ZNF528: variants seen among roughly 807,000 people sequenced by gnomAD.
The protein encoded by ZNF528 is zinc finger protein 528.
A neutral mutation model predicts 13.3 loss-of-function variants in ZNF528; 9 were observed. The observed-to-expected ratio is 0.67, with a 90% CI of 0.41 to 1.18. The LOEUF (loss-of-function observed/expected upper bound fraction) is 1.18. Among genes scored for constraint, ZNF528 ranks in the 50% most tolerant of loss-of-function variants. The probability of loss-of-function intolerance (pLI) is 0.01; values close to 1 mark genes in which losing one functional copy is unlikely to be tolerated. For missense variants in ZNF528, 858 were observed against 745.4 expected (o/e 1.15, Z -1.76); for synonymous variants, 264 against 254.3 (o/e 1.04, Z -0.36).
intron 4 of ZNF528, among the ~76,000 whole-genome samples, chr19:52,405,639 T>TTA (rs1198531873): frequency 6.7e-6 from 1 of 149,952 alleles, no homozygotes; most frequent in African/African-American, 2.4e-5. Context: ...ACCTAACACT[T>TTA]CTATAGAGAG....
In ZNF528 at chr19:52,416,522, C is replaced by G; in HGVS notation, c.1670C>G (p.Ala557Gly). ...TACAGATGTAGTAAATGTGGCAAAG[C>G]ATTTCGAGGGTGTTCAGGCCTTACT... ...RPYRCSKCGK[A>G]FRGCSGLTAH... The change falls in exon 7 of 7, where the codon GCA becomes GGA. Residue 557 changes from alanine to glycine, a missense_variant. Coordinates refer to ENST00000360465, the MANE Select transcript of ZNF528 (RefSeq NM_032423.3). The G allele has an allele frequency of 1.2e-6, 2 of 1,614,110 alleles. No homozygotes were observed. The highest frequency in any genetic ancestry group is 1.7e-6 in the Non-Finnish European group (2 of 1,180,016).
chr19:52,417,903 A>G lies in ZNF528; in HGVS notation c.*1164A>G, dbSNP rs945544660. 1.3e-5 allele frequency: 2 copies of G among 152,246 alleles called. No individual in the cohort carries two copies. Among genetic ancestry groups the G allele is most frequent in the Non-Finnish European group, 2.9e-5 (2 of 68,082 alleles). 9.4% of individuals were successfully genotyped at this position (152,246 alleles called of 1,614,324 possible). A position where few individuals can be genotyped will look rare whatever the true frequency, so the allele number is the denominator to read the frequency against. On this transcript the variant is annotated 3_prime_UTR_variant, in exon 7 of 7. Coordinates refer to ENST00000360465, the MANE Select transcript of ZNF528 (RefSeq NM_032423.3). ...AGTGCTGGGATTACAGGCATGAACC[A>G]TGGTGCCCAGCCTCATTTTTGAAAT...
chr19:52,400,728 A>G (rs1426951485), intron 2 of ZNF528, among the ~76,000 whole-genome samples: 3 of 151,784 alleles, frequency 2.0e-5, no homozygotes, highest in East Asian at 1.9e-4. Context: ...GTCTCACTAC[A>G]TTGCCCAGGC....
At chr19:52,403,097 C>T (rs1390683334) in intron 4 of ZNF528, among the ~76,000 whole-genome samples, 1 of 152,108 alleles carries the variant, frequency 6.6e-6, no homozygotes, top group African/African-American at 2.4e-5. Flanking sequence ...TAAGTACTTA[C>T]CATATGTTTA....
chr19:52,399,771 CAG>C (rs2058769841), intron 2 of ZNF528, among the ~76,000 whole-genome samples: 1 of 152,156 alleles, frequency 6.6e-6, no homozygotes, highest in Non-Finnish European at 1.5e-5. Flanking sequence ...GCGCTCAACA[CAG>C]AATGCCTCAT....
intron 6 of ZNF528, among the ~76,000 whole-genome samples, chr19:52,411,139 T>C (rs2058926168): frequency 6.6e-6 from 1 of 152,080 alleles, no homozygotes; most frequent in Admixed American, 6.6e-5. Flanking sequence ...ATAAAATGAA[T>C]GATATACGCA....
intron 6 of ZNF528, 26 bp from the exon 7 acceptor site, chr19:52,415,098 G>A (rs1322523281): frequency 1.9e-6 from 3 of 1,610,432 alleles, no homozygotes; most frequent in Non-Finnish European, 2.5e-6. Flanking sequence ...ATGGGTTGAA[G>A]TTCCACTTTT....
rs535634777 is a variant in ZNF528, at chr19:52,406,637, A to G, written c.265A>G (p.Asn89Asp). Residue 89 changes from asparagine to aspartate, a missense_variant, in exon 6 of 7, where the codon AAC becomes GAC. By Grantham distance (23) the Asn-to-Asp change is conservative. Transcript: ENST00000360465. ...PDGRECIKGV[N>D]TERSSKLGSN... The stretch of plus-strand genomic sequence containing the variant: ...CGGCAGGGAGTGCATCAAAGGTGTG[A>G]ACACAGGTGAGAGCTCGGGTGGGCA... The G allele has an allele frequency of 7.6e-5, 122 of 1,611,790 alleles. 2 individuals are homozygous for G. The South Asian group carries it at 1.3e-3, about 17-fold the overall frequency.
At chr19:52,414,965 T>G in intron 6 of ZNF528, 159 bp from the exon 7 acceptor site, 2 of 1,536,148 alleles carry the variant, frequency 1.3e-6, no homozygotes, top group Non-Finnish European at 1.7e-6. Flanking sequence ...ATGCATCACC[T>G]CAGTTCCTTG....
chr19:52,406,355 A>G (rs2058856072), intron 5 of ZNF528, among the ~76,000 whole-genome samples, 160 bp from the exon 6 acceptor site: 1 of 152,208 alleles, frequency 6.6e-6, no homozygotes, highest in South Asian at 2.1e-4. Flanking sequence ...CTATGTCTGC[A>G]TGTTACAATG....
intron 6 of ZNF528, 104 bp from the exon 7 acceptor site, chr19:52,415,020 C>G: frequency 1.3e-6 from 2 of 1,572,558 alleles, no homozygotes; most frequent in Non-Finnish European, 1.7e-6. Context: ...CCCTGATACT[C>G]CTACCAATGT....
intron 2 of ZNF528, among the ~76,000 whole-genome samples, chr19:52,401,047 C>T (rs1421326513): frequency 6.6e-6 from 1 of 152,170 alleles, no homozygotes; most frequent in Non-Finnish European, 1.5e-5. Context: ...AGTCCTTAAA[C>T]CTGTTCTGTC....
chr19:52,407,578 C>G (rs1399108862), intron 6 of ZNF528, among the ~76,000 whole-genome samples: 1 of 151,888 alleles, frequency 6.6e-6, no homozygotes, highest in Non-Finnish European at 1.5e-5. Context: ...GAGTCCGAGA[C>G]CAGCCTGGCC....
chr19:52,402,242 CG>C (rs900376725), intron 4 of ZNF528, among the ~76,000 whole-genome samples: 23 of 152,092 alleles, frequency 1.5e-4, no homozygotes, highest in Admixed American at 1.3e-3. Flanking sequence ...GGGCATGGTC[CG>C]GGGGAGGGCT....
At chr19:52,414,211 A>G (rs2058969128) in intron 6 of ZNF528, 1 of 702,234 alleles carries the variant, frequency 1.4e-6, no homozygotes, top group East Asian at 2.7e-5. Context: ...CAGTTCCTCT[A>G]CTCCAGCAGA....
At chr19:52,414,430 G>C (rs113979260) in intron 6 of ZNF528, 13 of 637,802 alleles carry the variant, frequency 2.0e-5, no homozygotes, top group Middle Eastern at 3.4e-4. Context: ...CTGAGCTTTA[G>C]AGCCCTTTGT....
Position 52,414,117 on chromosome 19 carries a change from C to T in ZNF528, c.272-1007C>T, listed in dbSNP as rs192195961. ...GTACTTTAGAGCACCGACCTCATAT[C>T]GCTCCCAGTACCTCTTCAGGGCACT... is the stretch of plus-strand genomic sequence containing the variant. On this transcript the variant is annotated intron_variant, in intron 6 of 6. Coordinates refer to ENST00000360465, the MANE Select transcript of ZNF528 (RefSeq NM_032423.3). 4.7e-3 allele frequency: 3,197 copies of T among 676,214 alleles called. 12 individuals carry two copies. Among genetic ancestry groups the T allele is most frequent in the Non-Finnish European group, 6.3e-3 (2,313 of 370,066 alleles). The allele number at this position is 676,214 out of a possible 1,614,324, so 41.9% of individuals were successfully genotyped here. A position where few individuals can be genotyped will look rare whatever the true frequency, so the allele number is the denominator to read the frequency against.
intron 2 of ZNF528, among the ~76,000 whole-genome samples, chr19:52,399,354 G>A (rs1166405192): frequency 6.6e-6 from 1 of 152,196 alleles, no homozygotes; most frequent in Non-Finnish European, 1.5e-5. Context: ...GCTCACACGT[G>A]TAATCCCAGT....
In ZNF528 at chr19:52,414,860, C is replaced by G. The variant is rs907169822; in HGVS notation, c.272-264C>G. On this transcript the variant is annotated intron_variant, in intron 6 of 6. Coordinates refer to ENST00000360465, the MANE Select transcript of ZNF528 (RefSeq NM_032423.3). Reference sequence around the variant, plus strand: ...TAAGAGGCTCATCCCTGCTTCTTCCCAGAAGTTTTCAGTCTCTGTTGTATT... The same window carrying G: ...TAAGAGGCTCATCCCTGCTTCTTCCGAGAAGTTTTCAGTCTCTGTTGTATT... 12 of 1,224,384 alleles carry G rather than the reference C, an allele frequency of 9.8e-6. No individual in the cohort carries two copies. In the Admixed American group the frequency reaches 1.5e-4, roughly 15 times the overall value. The allele number at this position is 1,224,384 out of a possible 1,614,324, so 75.8% of individuals were successfully genotyped here.
Sources: allele counts gnomAD v4.1 joint callset (sites outside exome capture counted in the v4.1 genomes callset), GRCh38; gene constraint gnomAD v4.1.1; transcripts MANE v1.5; gene names NCBI Gene and HGNC (gene_info 2026-07-23, HGNC 2026-07-21).